Variants in CENPL observed in about 807,000 individuals in gnomAD.
CENPL encodes the protein interphase centromere complex protein 33.
Under a neutral mutation model 35.2 loss-of-function variants are expected in CENPL, and 20 were observed. The observed-to-expected ratio is 0.57, with a 90% CI of 0.40 to 0.83. CENPL has a LOEUF of 0.83. Among genes scored for constraint, CENPL ranks in the 40% least tolerant of loss-of-function variants. The pLI is 0.00. For missense variants in CENPL, 363 were observed against 395.8 expected (o/e 0.92, Z 0.70); for synonymous variants, 140 against 140.6 (o/e 1.00, Z 0.03).
At chr1:173,815,462 G>A (rs1453130581) in intron 2 of CENPL, among the ~76,000 whole-genome samples, 5 of 152,176 alleles carry the variant, frequency 3.3e-5, no homozygotes, top group Non-Finnish European at 5.9e-5. Flanking sequence ...ACTGAATCCA[G>A]CAGCACATCA....
rs574227404 is a variant in CENPL, at chr1:173,824,404, C to T, written c.-294G>A. ...TTCAGTTTAAAATCGTTTCCCGACT[C>T]GCTCTGCGGCCCCACGCAGGAAGCC... On this transcript the variant is annotated 5_prime_UTR_variant, in exon 1 of 6. Coordinates refer to ENST00000682279, the MANE Select transcript of CENPL (RefSeq NM_001387287.1). 16 of 152,434 alleles carry T rather than the reference C, an allele frequency of 1.0e-4. No individual in the cohort carries two copies. Among genetic ancestry groups the T allele is most frequent in the African/African-American group, 3.6e-4 (15 of 41,604 alleles). The allele number at this position is 152,434 out of a possible 1,614,324, so 9.4% of individuals were successfully genotyped here. A position where few individuals can be genotyped will look rare whatever the true frequency, so the allele number is the denominator to read the frequency against.
Position 173,803,101 on chromosome 1 carries a change from A to C in CENPL, c.825T>G (p.Val275=), listed in dbSNP as rs1478753403. ...TGAATAGGTCAACTTCTTCCTGGGTAACCTCCCCAGGTGTTTTGTGGACAC... is the reference window on the plus strand; with the variant it reads ...TGAATAGGTCAACTTCTTCCTGGGTCACCTCCCCAGGTGTTTTGTGGACAC... ...WDSVHKTPGE[V]TQEEVDLFMD... is the part of the protein sequence containing the mutation. The change falls in exon 5 of 6, where the codon GTT becomes GTG. Residue 275 remains valine, a synonymous_variant. Transcript: ENST00000682279. The C allele has an allele frequency of 6.2e-7, 1 of 1,614,170 alleles. No individual in the cohort carries two copies. Among genetic ancestry groups the C allele is most frequent in the East Asian group, 2.2e-5 (1 of 44,886 alleles).
chr1:173,808,915 T>C (rs376480229), intron 3 of CENPL, among the ~76,000 whole-genome samples: 3 of 152,188 alleles, frequency 2.0e-5, no homozygotes, highest in East Asian at 3.9e-4. Flanking sequence ...AAAGGGCTTC[T>C]GCACAGCAAA....
intron 2 of CENPL, among the ~76,000 whole-genome samples, chr1:173,817,899 C>A (rs1431268183): frequency 6.6e-6 from 1 of 152,114 alleles, no homozygotes; most frequent in Non-Finnish European, 1.5e-5. Flanking sequence ...CAAACTATCA[C>A]AAGGACAGAA....
At chr1:173,818,618 T>A (rs1470298678) in intron 2 of CENPL, among the ~76,000 whole-genome samples, 7 of 151,910 alleles carry the variant, frequency 4.6e-5, no homozygotes, top group African/African-American at 1.5e-4. Flanking sequence ...AGAGTATGCA[T>A]GTGTGTGTGT....
chr1:173,813,620 A>G (rs568787157), intron 2 of CENPL, among the ~76,000 whole-genome samples: 8 of 152,350 alleles, frequency 5.3e-5, no homozygotes, highest in African/African-American at 1.7e-4. Flanking sequence ...CAGACAAGCA[A>G]ATGCTAAGAG....
chr1:173,820,267 A>G (rs1651820501), intron 2 of CENPL, among the ~76,000 whole-genome samples: 1 of 152,088 alleles, frequency 6.6e-6, no homozygotes. Context: ...CTATTTCAAT[A>G]TGTTAGACTA....
rs755009950 is a variant in CENPL at position 173,811,102 on chromosome 1, G to A, written c.168+30C>T. The A allele has an allele frequency of 5.0e-6, 8 of 1,588,734 alleles. No individual in the cohort carries two copies. The East Asian group carries it at 1.6e-4, about 31-fold the overall frequency. On this transcript the variant is annotated intron_variant, in intron 3 of 5. Transcript: ENST00000682279. ...TTGTTCACAGATATTCTCAATTATT[G>A]ACTAACACAAAGGGACACAAAAAGC...
intron 2 of CENPL, among the ~76,000 whole-genome samples, chr1:173,821,512 G>A (rs1651941217): frequency 6.6e-6 from 1 of 152,114 alleles, no homozygotes; most frequent in Non-Finnish European, 1.5e-5. Context: ...GTGAGAAAAA[G>A]ACTATCAGCA....
chr1:173,818,570 T>C (rs1557849097), intron 2 of CENPL, among the ~76,000 whole-genome samples: 1 of 152,218 alleles, frequency 6.6e-6, no homozygotes, highest in African/African-American at 2.4e-5. Flanking sequence ...CATACATTTT[T>C]ATCTGTTATC....
intron 2 of CENPL, among the ~76,000 whole-genome samples, chr1:173,814,760 C>A (rs898463696): frequency 1.3e-5 from 2 of 152,088 alleles, no homozygotes; most frequent in Non-Finnish European, 1.5e-5. Context: ...ACCCTAACAT[C>A]ACAATTAAAA....
At chr1:173,812,378 GA>G (rs1325063682) in intron 2 of CENPL, among the ~76,000 whole-genome samples, 2 of 152,240 alleles carry the variant, frequency 1.3e-5, no homozygotes, top group Non-Finnish European at 2.9e-5. Context: ...GTGGGTCCCT[GA>G]CCCCCGTGTA....
At chr1:173,801,373 A>G (rs1003048830) in intron 5 of CENPL, among the ~76,000 whole-genome samples, 2 of 150,434 alleles carry the variant, frequency 1.3e-5, no homozygotes, top group Non-Finnish European at 3.0e-5. Flanking sequence ...AAATTAGCCA[A>G]GTATGGTGGT....
Position 173,811,261 on chromosome 1 carries a change from T to G in CENPL, c.39A>C (p.Ala13=), listed in dbSNP as rs753838147. The stretch of plus-strand genomic sequence containing the variant: ...TAAAGTAATCTTCAGGTCTTGAGGA[T>G]GCACTAGGAGTTGACTCTGGTGCAC... ...SYSAPESTPS[A]SSRPEDYFIG... is the part of the protein sequence containing the mutation. Residue 13 remains alanine, a synonymous_variant, in exon 3 of 6, where the codon GCA becomes GCC. Coordinates refer to ENST00000682279, the MANE Select transcript of CENPL (RefSeq NM_001387287.1). 2 of 1,613,326 alleles carry G rather than the reference T, an allele frequency of 1.2e-6. No homozygotes were observed. Among genetic ancestry groups the G allele is most frequent in the Non-Finnish European group, 1.7e-6 (2 of 1,179,326 alleles).
At chr1:173,822,789 G>C (rs1652085812) in intron 2 of CENPL, 1 of 152,154 alleles carries the variant, frequency 6.6e-6, no homozygotes. Context: ...CCAGGCTGGA[G>C]TGCAGTGGTG....
At chr1:173,810,638 A>G (rs1650719413) in intron 3 of CENPL, among the ~76,000 whole-genome samples, 1 of 152,216 alleles carries the variant, frequency 6.6e-6, no homozygotes, top group Non-Finnish European at 1.5e-5. Flanking sequence ...ATAAATAAAC[A>G]GGCCGGGCGC....
intron 3 of CENPL, 103 bp downstream of exon 3, chr1:173,811,029 G>A: frequency 1.1e-6 from 1 of 929,750 alleles, no homozygotes; most frequent in Non-Finnish European, 1.6e-6. Context: ...ATTAGCTGAG[G>A]GGTTAAGAAG....
chr1:173,800,400 G>A lies in CENPL; in HGVS notation c.*48C>T. ...CTCTTTCAGCATAGCAATTAGGCAAGTTATCAATAAGAGTATATAATCTAT... is the reference window on the plus strand; with the variant it reads ...CTCTTTCAGCATAGCAATTAGGCAAATTATCAATAAGAGTATATAATCTAT... On this transcript the variant is annotated 3_prime_UTR_variant, in exon 6 of 6. Transcript: ENST00000682279. 3 of 736,336 alleles carry A rather than the reference G, an allele frequency of 4.1e-6. No individual in the cohort carries two copies. The highest frequency in any genetic ancestry group is 1.7e-5 in the South Asian group (1 of 60,016). The allele number at this position is 736,336 out of a possible 1,614,324, so 45.6% of individuals were successfully genotyped here.
In CENPL at chr1:173,803,624, CAT is replaced by C. The variant is rs1466448375; in HGVS notation, c.421-121_421-120del. 5.7e-6 allele frequency: 5 copies of C among 883,802 alleles called. No individual in the cohort carries two copies. The African/African-American group carries it at 6.9e-5, about 12-fold the overall frequency. 54.7% of individuals were successfully genotyped at this position (883,802 alleles called of 1,614,324 possible). Reference sequence around the variant, plus strand: ...CCAATGTAATACTTGCAAAAAAAAACATAGAGGGAATAGTCTCCCTAATGATT... The same window carrying C: ...CCAATGTAATACTTGCAAAAAAAAACAGAGGGAATAGTCTCCCTAATGATT... On this transcript the variant is annotated intron_variant, in intron 4 of 5. Transcript: ENST00000682279.
Sources: allele counts gnomAD v4.1 joint callset (sites outside exome capture counted in the v4.1 genomes callset), GRCh38; gene constraint gnomAD v4.1.1; transcripts MANE v1.5; gene names NCBI Gene and HGNC (gene_info 2026-07-23, HGNC 2026-07-21).